MFHAS1: variants seen among roughly 807,000 people sequenced by gnomAD.
MFHAS1 encodes the protein malignant fibrous histiocytoma-amplified sequence 1.
A neutral mutation model predicts 70.4 loss-of-function variants in MFHAS1; 50 were observed. The observed-to-expected ratio is 0.71, with a 90% CI of 0.57 to 0.90. MFHAS1 has a LOEUF of 0.90. Among genes scored for constraint, MFHAS1 ranks in the 40% least tolerant of loss-of-function variants. MFHAS1 has a pLI of 0.00. For synonymous variants in MFHAS1, 952 were observed against 620.0 expected, an observed-to-expected ratio of 1.54 and a Z score of -7.96; for missense variants, 1,795 against 1,347.6, an observed-to-expected ratio of 1.33 and a Z score of -5.20.
chr8:8,842,152 T>C (rs768798724), intron 1 of MFHAS1, among the ~76,000 whole-genome samples: 2 of 152,114 alleles, frequency 1.3e-5, no homozygotes, highest in Admixed American at 6.5e-5. Flanking sequence ...CCCTACCTTC[T>C]TCCGGAGAAA....
chr8:8,787,301 T>C (rs186292937), intron 2 of MFHAS1, among the ~76,000 whole-genome samples: 1,893 of 152,226 alleles, frequency 0.012, 22 homozygotes, highest in African/African-American at 0.025. Context: ...AGGATGATCT[T>C]GATCTCCTGA....
At chr8:8,807,789 G>A (rs1319342302) in intron 1 of MFHAS1, among the ~76,000 whole-genome samples, 5 of 152,172 alleles carry the variant, frequency 3.3e-5, no homozygotes, top group East Asian at 3.9e-4. Flanking sequence ...ATGTTGCAAA[G>A]GAGAGCTAAG....
At chr8:8,880,147 G>A (rs190562273) in intron 1 of MFHAS1, among the ~76,000 whole-genome samples, 21 of 152,186 alleles carry the variant, frequency 1.4e-4, no homozygotes, top group Middle Eastern at 3.4e-3. Flanking sequence ...CCCCACAACC[G>A]TGTCCAAGAT....
chr8:8,888,817 A>C (rs1438211656), intron 1 of MFHAS1, among the ~76,000 whole-genome samples: 1 of 152,158 alleles, frequency 6.6e-6, no homozygotes, highest in Non-Finnish European at 1.5e-5. Flanking sequence ...AGAATGCCCA[A>C]CACAGAGTAA....
chr8:8,857,499 C>T (rs941547007), intron 1 of MFHAS1, among the ~76,000 whole-genome samples: 3 of 152,158 alleles, frequency 2.0e-5, no homozygotes, highest in Non-Finnish European at 4.4e-5. Flanking sequence ...TGTCTAACGC[C>T]TGTAATCCCA....
intron 2 of MFHAS1, among the ~76,000 whole-genome samples, chr8:8,796,060 A>C (rs563308030): frequency 6.2e-4 from 94 of 152,332 alleles, no homozygotes; most frequent in African/African-American, 2.1e-3. Flanking sequence ...ATCTCAGCTT[A>C]AAAGCGGCCT....
rs1313835915 is a variant in MFHAS1, at chr8:8,892,537, A to G, written c.522T>C (p.Pro174=). 6.3e-7 allele frequency: 1 copy of G among 1,595,494 alleles called. No homozygotes were observed. Among genetic ancestry groups the G allele is most frequent in the Admixed American group, 1.8e-5 (1 of 56,306 alleles). ...DVSFNRLAHL[P]DSLSCLSRLR... Reference sequence around the variant, plus strand: ...GGCGGGAGAGGCAGGAGAGGGAGTCAGGCAGGTGCGCCAGCCGGTTAAAGC... The same window carrying G: ...GGCGGGAGAGGCAGGAGAGGGAGTCGGGCAGGTGCGCCAGCCGGTTAAAGC... Residue 174 remains proline, a synonymous_variant, in exon 1 of 3, where the codon CCT becomes CCC. Transcript: ENST00000276282. The surrounding 1 kb of genome is among the most constrained non-coding windows in gnomAD (Gnocchi z 4.7).
In MFHAS1 at chr8:8,861,034, C is replaced by T. The variant is rs371865848; in HGVS notation, c.2998+29027G>A. Among the ~76,000 whole-genome samples, 10 of 152,154 alleles carry T rather than the reference C, an allele frequency of 6.6e-5. No homozygotes were observed. In the East Asian group the frequency reaches 1.2e-3, roughly 18 times the overall value. On this transcript the variant is annotated intron_variant, in intron 1 of 2. Coordinates refer to ENST00000276282, the MANE Select transcript of MFHAS1 (RefSeq NM_004225.3). ...TAGCGATTATGACAGAAAGTCTACA[C>T]GTGCCTTTTAATTTCATCACTTAAC... is the stretch of plus-strand genomic sequence containing the variant.
At chr8:8,787,103 C>T (rs1209183152) in intron 2 of MFHAS1, among the ~76,000 whole-genome samples, 2 of 144,742 alleles carry the variant, frequency 1.4e-5, no homozygotes, top group Admixed American at 6.9e-5. Flanking sequence ...TTTTTTGAGA[C>T]AGAGTCTCGC....
intron 1 of MFHAS1, among the ~76,000 whole-genome samples, chr8:8,865,356 A>G (rs1201775932): frequency 6.6e-6 from 1 of 151,804 alleles, no homozygotes; most frequent in Non-Finnish European, 1.5e-5. Context: ...ATAAAAACCT[A>G]GCTCCACTTA....
chr8:8,810,635 A>G (rs1321194369), intron 1 of MFHAS1, among the ~76,000 whole-genome samples: 1 of 152,242 alleles, frequency 6.6e-6, no homozygotes, highest in African/African-American at 2.4e-5. Flanking sequence ...GTTTATCGTA[A>G]GAGCACAGTA....
chr8:8,876,826 C>G (rs952032629), intron 1 of MFHAS1, among the ~76,000 whole-genome samples: 1 of 151,824 alleles, frequency 6.6e-6, no homozygotes. Flanking sequence ...CCCAGTTACT[C>G]GGGAGGCTAA....
intron 1 of MFHAS1, among the ~76,000 whole-genome samples, chr8:8,882,280 C>T (rs1337280861): frequency 6.6e-6 from 1 of 152,048 alleles, no homozygotes; most frequent in Non-Finnish European, 1.5e-5. Flanking sequence ...ATCCCAGCTA[C>T]GTGGGAGGCT....
At chr8:8,840,389 G>A (rs1585045528) in intron 1 of MFHAS1, among the ~76,000 whole-genome samples, 1 of 151,394 alleles carries the variant, frequency 6.6e-6, no homozygotes, top group Non-Finnish European at 1.5e-5. Context: ...CCTGGGAGAC[G>A]GAGCTTGCAG....
At chr8:8,853,785 C>T (rs35234743) in intron 1 of MFHAS1, among the ~76,000 whole-genome samples, 4 of 152,248 alleles carry the variant, frequency 2.6e-5, no homozygotes, top group Non-Finnish European at 2.9e-5. Flanking sequence ...AGGCTAGTCT[C>T]GAACTCCTGA....
chr8:8,835,331 AG>A (rs1198368314), intron 1 of MFHAS1, among the ~76,000 whole-genome samples: 2 of 152,208 alleles, frequency 1.3e-5, no homozygotes, highest in Admixed American at 1.3e-4. Flanking sequence ...CTGCAAGAAA[AG>A]TTTAAAACAC....
chr8:8,849,939 G>T (rs867943690), intron 1 of MFHAS1, among the ~76,000 whole-genome samples: 2 of 152,226 alleles, frequency 1.3e-5, no homozygotes, highest in Admixed American at 6.5e-5. Context: ...CTCTGAAGAA[G>T]CTGCTAGACT....
chr8:8,791,195 C>G (rs1004360727), intron 2 of MFHAS1, among the ~76,000 whole-genome samples: 1 of 144,520 alleles, frequency 6.9e-6, no homozygotes, highest in Admixed American at 7.1e-5. Flanking sequence ...CTAACTTCTT[C>G]AGTCTCAGAA....
At chr8:8,840,194 C>A (rs1235256657) in intron 1 of MFHAS1, among the ~76,000 whole-genome samples, 1 of 152,194 alleles carries the variant, frequency 6.6e-6, no homozygotes, top group Non-Finnish European at 1.5e-5. Flanking sequence ...CAGTGACTCA[C>A]GCCTGTAATC....
Sources: gnomAD v4.1 joint callset for allele counts (sites outside exome capture counted in the v4.1 genomes callset) on GRCh38, gnomAD v4.1.1 for gene constraint, Gnocchi (gnomAD v3.1) non-coding constraint, MANE v1.5 for transcripts, NCBI Gene and HGNC (gene_info 2026-07-23, HGNC 2026-07-21) for gene names.